KANK1: variants seen among roughly 807,000 people sequenced by gnomAD.
KANK1 encodes the protein KN motif and ankyrin repeat domains 1, also known as KN motif and ankyrin repeat domain-containing protein 1.
KANK1 carries 109 observed loss-of-function variants against 106.2 expected under a neutral mutation model. The ratio of observed to expected loss-of-function variants is 1.03; its 90% confidence interval spans 0.88 to 1.20. The LOEUF (loss-of-function observed/expected upper bound fraction) is 1.20, where lower values mean the gene tolerates loss of function less well. Among genes scored for constraint, KANK1 ranks in the 50% most tolerant of loss-of-function variants. The pLI is 0.00. For missense variants in KANK1, 2,399 were observed against 1,710.7 expected (o/e 1.40, Z -7.10); for synonymous variants, 873 against 652.2 (o/e 1.34, Z -5.16).
chr9:657,578 A>T (rs1842428299), intron 1 of KANK1, among the ~76,000 whole-genome samples: 1 of 151,754 alleles, frequency 6.6e-6, no homozygotes, highest in Non-Finnish European at 1.5e-5. Context: ...TTTTTTTTTA[A>T]TAGTGGCCAT....
At chr9:644,769 A>C (rs1216401174) in intron 1 of KANK1, among the ~76,000 whole-genome samples, 2 of 150,964 alleles carry the variant, frequency 1.3e-5, no homozygotes, top group African/African-American at 5.0e-5. Context: ...ATCAAGCATT[A>C]ATATTACTAT....
chr9:613,352 T>A (rs1831023055), intron 1 of KANK1, among the ~76,000 whole-genome samples: 1 of 150,860 alleles, frequency 6.6e-6, no homozygotes, highest in African/African-American at 2.4e-5. Flanking sequence ...AGAGCAGAGC[T>A]TCAGTCCTTT....
intron 1 of KANK1, among the ~76,000 whole-genome samples, chr9:512,544 C>A (rs1224582380): frequency 2.6e-5 from 4 of 152,060 alleles, no homozygotes; most frequent in Admixed American, 2.6e-4. Flanking sequence ...TCCTCCAAGT[C>A]AACACATAAA....
chr9:631,303 CATT>C (rs1410436229), intron 1 of KANK1, among the ~76,000 whole-genome samples: 1 of 152,192 alleles, frequency 6.6e-6, no homozygotes, highest in African/African-American at 2.4e-5. Flanking sequence ...TGTGCGGCCT[CATT>C]AGCACCCCAG....
chr9:644,952 C>G lies in KANK1; in HGVS notation c.-83-31938C>G, dbSNP rs1269943007. Reference sequence around the variant, plus strand: ...CCTGGGCAACATGGTGAAACCCTCTCTCTACTAAAATACAAAAGAATATTA... The same window carrying G: ...CCTGGGCAACATGGTGAAACCCTCTGTCTACTAAAATACAAAAGAATATTA... On this transcript the variant is annotated intron_variant, in intron 1 of 11. Transcript: ENST00000382297. Among the ~76,000 whole-genome samples the G allele has an allele frequency of 1.3e-4, 20 of 150,100 alleles. 1 individual carries two copies. Among genetic ancestry groups the G allele is most frequent in the Admixed American group, 1.3e-3 (19 of 15,192 alleles).
chr9:594,853 C>T (rs1430426981), intron 1 of KANK1, among the ~76,000 whole-genome samples: 3 of 151,776 alleles, frequency 2.0e-5, no homozygotes, highest in Admixed American at 1.3e-4. Context: ...CCTCTTTCAA[C>T]CTTTAATGTA....
intron 1 of KANK1, among the ~76,000 whole-genome samples, chr9:629,277 T>A (rs931383303): frequency 7.2e-5 from 11 of 152,024 alleles, no homozygotes; most frequent in African/African-American, 2.2e-4. Context: ...TTGCTCCCCC[T>A]CCCTCAGGCT....
chr9:714,074 T>TA (rs1224435977), intron 3 of KANK1, among the ~76,000 whole-genome samples: 1 of 132,880 alleles, frequency 7.5e-6, no homozygotes, highest in African/African-American at 3.5e-5. Flanking sequence ...CCTCCATTTC[T>TA]AAAAAAATAT....
At chr9:684,673 C>T (rs976193566) in intron 2 of KANK1, 21 of 723,828 alleles carry the variant, frequency 2.9e-5, no homozygotes, top group Non-Finnish European at 3.5e-5. Flanking sequence ...TCATTTGCTT[C>T]CTTTTCCAGG....
chr9:515,699 T>A (rs1388054606), intron 1 of KANK1, among the ~76,000 whole-genome samples: 1 of 151,826 alleles, frequency 6.6e-6, no homozygotes, highest in Non-Finnish European at 1.5e-5. Context: ...GGAATTAAAT[T>A]TCCACATAAA....
chr9:493,777 C>A (rs2058415462), intron 3 of KANK1, among the ~76,000 whole-genome samples: 2 of 151,880 alleles, frequency 1.3e-5, no homozygotes, highest in South Asian at 4.1e-4. Flanking sequence ...GAACTCCTGA[C>A]CTCAGGTGAT....
intron 1 of KANK1, among the ~76,000 whole-genome samples, chr9:607,610 C>T (rs1368992815): frequency 2.0e-5 from 3 of 151,498 alleles, no homozygotes; most frequent in African/African-American, 4.9e-5. Context: ...CCAGGACTAG[C>T]TGCACATACC....
chr9:559,412 A>T (rs1445689037), intron 1 of KANK1, among the ~76,000 whole-genome samples: 1 of 151,200 alleles, frequency 6.6e-6, no homozygotes, highest in East Asian at 2.0e-4. Flanking sequence ...AAAAAAAAAA[A>T]GTAGGTAAAA....
chr9:740,989 C>A (rs2132205084), intron 9 of KANK1, 55 bp downstream of exon 9: 1 of 1,592,252 alleles, frequency 6.3e-7, no homozygotes, highest in Non-Finnish European at 8.6e-7. Flanking sequence ...GCAGACAGGA[C>A]TGCGGTGGCC....
intron 3 of KANK1, among the ~76,000 whole-genome samples, chr9:718,823 T>TATCA (rs1233349707): frequency 5.9e-5 from 9 of 152,162 alleles, no homozygotes; most frequent in African/African-American, 1.9e-4. Flanking sequence ...CTTTCTCCTC[T>TATCA]ATCAAAGCTA....
Position 711,190 on chromosome 9 carries a change from C to G in KANK1, c.424C>G (p.Pro142Ala), listed in dbSNP as rs1309565091. 3 of 1,614,202 alleles carry G rather than the reference C, an allele frequency of 1.9e-6. No individual in the cohort carries two copies. The highest frequency in any genetic ancestry group is 2.5e-6 in the Non-Finnish European group (3 of 1,180,048). ...LTIPENRQLPPPSPQLPKHNL... is the reference protein window; with the variant it reads ...LTIPENRQLPAPSPQLPKHNL... ...CATCCCAGAAAATCGACAGCTGCCACCTCCCTCACCACAACTCCCAAAGCA... is the reference window on the plus strand; with the variant it reads ...CATCCCAGAAAATCGACAGCTGCCAGCTCCCTCACCACAACTCCCAAAGCA... The change falls in exon 3 of 12, where the codon CCT becomes GCT. Residue 142 changes from proline to alanine, a missense_variant. Physicochemically the swap from Pro to Ala is conservative, Grantham distance 27. Coordinates refer to ENST00000382297, the MANE Select transcript of KANK1 (RefSeq NM_015158.5).
At chr9:529,157 A>C (rs1156993720) in intron 1 of KANK1, among the ~76,000 whole-genome samples, 2 of 151,766 alleles carry the variant, frequency 1.3e-5, no homozygotes, top group African/African-American at 4.8e-5. Context: ...CACTTCCTGT[A>C]CTAGCTACCA....
chr9:636,661 T>A (rs1014418366), intron 1 of KANK1, among the ~76,000 whole-genome samples: 2 of 152,068 alleles, frequency 1.3e-5, no homozygotes, highest in African/African-American at 2.4e-5. Context: ...AGGTCAGGAG[T>A]TCGAGACCAG....
chr9:572,159 T>TTC, intron 1 of KANK1, among the ~76,000 whole-genome samples: 1 of 112,796 alleles, frequency 8.9e-6, no homozygotes, highest in South Asian at 2.7e-4. Context: ...GATTTTTTTT[T>TTC]TTTTTTTTTT....
Sources: gnomAD v4.1 joint callset for allele counts (sites outside exome capture counted in the v4.1 genomes callset) on GRCh38, gnomAD v4.1.1 for gene constraint, MANE v1.5 for transcripts, NCBI Gene and HGNC (gene_info 2026-07-23, HGNC 2026-07-21) for gene names.